Variants in HPSE2 observed in about 807,000 individuals in gnomAD.
HPSE2 encodes heparanase 2 (inactive).
A neutral mutation model predicts 60.5 loss-of-function variants in HPSE2; 38 were observed. The observed-to-expected ratio is 0.63, with a 90% CI of 0.48 to 0.82. HPSE2 has a LOEUF of 0.82. HPSE2 is among the 40% of genes least tolerant of loss of function. HPSE2 has a pLI of 0.00. For synonymous variants in HPSE2, 295 were observed against 293.2 expected, an observed-to-expected ratio of 1.01 and a Z score of -0.06; for missense variants, 713 against 740.4, an observed-to-expected ratio of 0.96 and a Z score of 0.43.
chr10:99,105,522 A>G (rs910604306), intron 3 of HPSE2, among the ~76,000 whole-genome samples: 1 of 146,144 alleles, frequency 6.8e-6, no homozygotes, highest in Non-Finnish European at 1.5e-5. Context: ...TCTATTCTGG[A>G]TAGAAGACCT....
At chr10:99,112,935 T>C (rs1431356479) in intron 3 of HPSE2, among the ~76,000 whole-genome samples, 1 of 141,134 alleles carries the variant, frequency 7.1e-6, no homozygotes, top group African/African-American at 2.5e-5. Context: ...ATGTTTCTTT[T>C]AAGGCCTAGA....
At chr10:98,529,074 G>A (rs536859538) in intron 9 of HPSE2, among the ~76,000 whole-genome samples, 16 of 152,312 alleles carry the variant, frequency 1.1e-4, no homozygotes, top group African/African-American at 3.1e-4. Flanking sequence ...GCGCACGCGC[G>A]CACACACACA....
intron 3 of HPSE2, among the ~76,000 whole-genome samples, chr10:98,884,860 G>A (rs1030185057): frequency 1.3e-5 from 2 of 152,156 alleles, no homozygotes; most frequent in Non-Finnish European, 2.9e-5. Flanking sequence ...GACTTGTGTT[G>A]TTTTTATGCC....
At chr10:98,731,900 G>A (rs751636307) in intron 4 of HPSE2, among the ~76,000 whole-genome samples, 1 of 151,902 alleles carries the variant, frequency 6.6e-6, no homozygotes, top group Non-Finnish European at 1.5e-5. Context: ...ACACAGGAGG[G>A]GAAAAAATAC....
chr10:98,870,982 C>T (rs1952716295), intron 3 of HPSE2, among the ~76,000 whole-genome samples: 1 of 151,314 alleles, frequency 6.6e-6, no homozygotes, highest in African/African-American at 2.4e-5. Context: ...CCTCCTCTCT[C>T]TCTTGCCCTC....
intron 9 of HPSE2, among the ~76,000 whole-genome samples, chr10:98,598,292 G>T (rs1310528826): frequency 6.6e-6 from 1 of 152,142 alleles, no homozygotes; most frequent in African/African-American, 2.4e-5. Flanking sequence ...CTTGCTGCTG[G>T]AGTCTTTGGG....
chr10:98,815,586 G>C (rs1951267763), intron 3 of HPSE2, among the ~76,000 whole-genome samples: 1 of 152,128 alleles, frequency 6.6e-6, no homozygotes, highest in South Asian at 2.1e-4. Context: ...GAACCTGAAA[G>C]GATGCAACCT....
chr10:98,862,909 T>A (rs1033912984), intron 3 of HPSE2, among the ~76,000 whole-genome samples: 6 of 152,164 alleles, frequency 3.9e-5, no homozygotes, highest in East Asian at 1.9e-4. Flanking sequence ...TGTGGGCATG[T>A]ACCACTGTGC....
intron 6 of HPSE2, among the ~76,000 whole-genome samples, chr10:98,652,799 A>T (rs1223005409): frequency 1.3e-5 from 2 of 152,226 alleles, no homozygotes; most frequent in Non-Finnish European, 2.9e-5. Flanking sequence ...CCCAGTGGTT[A>T]TTAATCCTGT....
chr10:98,900,726 G>A (rs1953643444), intron 3 of HPSE2, among the ~76,000 whole-genome samples: 1 of 152,104 alleles, frequency 6.6e-6, no homozygotes, highest in Non-Finnish European at 1.5e-5. Flanking sequence ...AAATGTTGGT[G>A]AAGATGTGGA....
chr10:99,247,003 C>T, the HPSE2 span, among the ~76,000 whole-genome samples: 1 of 152,074 alleles, frequency 6.6e-6, no homozygotes, highest in South Asian at 2.1e-4. Context: ...TACCCATAAT[C>T]GTATATTTGG....
At chr10:98,768,228 A>T (rs1382849815) in intron 3 of HPSE2, among the ~76,000 whole-genome samples, 4 of 151,960 alleles carry the variant, frequency 2.6e-5, no homozygotes, top group Non-Finnish European at 4.4e-5. Context: ...TTGTCACATA[A>T]TTCCCTACAC....
chr10:98,646,065 C>G (rs1946761016), intron 6 of HPSE2, among the ~76,000 whole-genome samples: 1 of 152,158 alleles, frequency 6.6e-6, no homozygotes, highest in African/African-American at 2.4e-5. Context: ...GCTTGGACAA[C>G]TAACTTACTG....
chr10:98,958,711 G>A (rs970619387), intron 3 of HPSE2, among the ~76,000 whole-genome samples: 2 of 152,048 alleles, frequency 1.3e-5, no homozygotes, highest in African/African-American at 4.8e-5. Flanking sequence ...TAAACCCTGT[G>A]CTCTAACAGC....
intron 3 of HPSE2, among the ~76,000 whole-genome samples, chr10:99,031,049 A>G (rs1957487291): frequency 6.6e-6 from 1 of 152,170 alleles, no homozygotes; most frequent in African/African-American, 2.4e-5. Flanking sequence ...AAATAAATAG[A>G]AAGAATAAAC....
intron 3 of HPSE2, among the ~76,000 whole-genome samples, chr10:99,011,678 C>CGTTCA (rs1957018932): frequency 1.3e-5 from 2 of 148,482 alleles, no homozygotes; most frequent in Non-Finnish European, 3.0e-5. Flanking sequence ...ATTGCTTGAA[C>CGTTCA]CCAAGAGGCA....
At chr10:98,991,213 G>A in intron 3 of HPSE2, among the ~76,000 whole-genome samples, 1 of 152,148 alleles carries the variant, frequency 6.6e-6, no homozygotes, top group East Asian at 1.9e-4. Flanking sequence ...ACAATAAATT[G>A]CTAAACAAGC....
intron 3 of HPSE2, among the ~76,000 whole-genome samples, chr10:98,958,440 G>A (rs773939913): frequency 1.3e-5 from 2 of 151,988 alleles, no homozygotes; most frequent in Admixed American, 6.6e-5. Flanking sequence ...GTTGAACTTT[G>A]ATTAAATGAA....
chr10:99,114,762 A>G (rs1282930818), intron 3 of HPSE2, among the ~76,000 whole-genome samples: 2 of 151,702 alleles, frequency 1.3e-5, no homozygotes, highest in African/African-American at 4.8e-5. Context: ...AAAATACAAA[A>G]AATTGGCTGG....
Sources: allele counts gnomAD v4.1 joint callset (sites outside exome capture counted in the v4.1 genomes callset), GRCh38; gene constraint gnomAD v4.1.1; transcripts MANE v1.5; gene names NCBI Gene and HGNC (gene_info 2026-07-23, HGNC 2026-07-21).